KCND2: variants seen among roughly 807,000 people sequenced by gnomAD.
KCND2 encodes the protein A-type voltage-gated potassium channel KCND2.
KCND2 carries 16 observed loss-of-function variants against 54.4 expected under a neutral mutation model. The ratio of observed to expected loss-of-function variants is 0.29; its 90% confidence interval spans 0.20 to 0.45. KCND2 has a LOEUF of 0.45. Among genes scored for constraint, KCND2 ranks in the 20% least tolerant of loss-of-function variants. KCND2 has a pLI of 1.00. For synonymous variants in KCND2, 317 were observed against 310.7 expected, an observed-to-expected ratio of 1.02 and a Z score of -0.21; for missense variants, 486 against 824.2, an observed-to-expected ratio of 0.59 and a Z score of 5.02.
At chr7:120,598,060 C>A (rs1792767625) in intron 1 of KCND2, among the ~76,000 whole-genome samples, 1 of 150,438 alleles carries the variant, frequency 6.6e-6, no homozygotes, top group Admixed American at 6.6e-5. Flanking sequence ...CAGAGAGACA[C>A]CATTAACCCA....
chr7:120,307,358 T>C (rs1218320748), intron 1 of KCND2, among the ~76,000 whole-genome samples: 1 of 152,086 alleles, frequency 6.6e-6, no homozygotes, highest in African/African-American at 2.4e-5. Flanking sequence ...GATGCTGTTT[T>C]ACAAGGTGGT....
chr7:120,643,211 A>C (rs530828711), intron 1 of KCND2, among the ~76,000 whole-genome samples: 3 of 152,322 alleles, frequency 2.0e-5, no homozygotes, highest in East Asian at 3.9e-4. Context: ...GGAACTAAGA[A>C]TATTAACCAT....
chr7:120,685,525 T>G (rs559551628), intron 1 of KCND2, among the ~76,000 whole-genome samples: 3 of 152,212 alleles, frequency 2.0e-5, no homozygotes, highest in African/African-American at 7.2e-5. Context: ...AGATAAACGA[T>G]TTCACAGCTG....
chr7:120,512,234 A>T (rs1189325497), intron 1 of KCND2, among the ~76,000 whole-genome samples: 2 of 152,112 alleles, frequency 1.3e-5, no homozygotes, highest in Non-Finnish European at 2.9e-5. Flanking sequence ...ATTGGTAATT[A>T]TATTAATGAA....
At chr7:120,419,022 A>T (rs946047244) in intron 1 of KCND2, among the ~76,000 whole-genome samples, 2 of 152,148 alleles carry the variant, frequency 1.3e-5, no homozygotes, top group African/African-American at 4.8e-5. Flanking sequence ...TCCTCTGTTG[A>T]TGAAATAATA....
Position 120,301,116 on chromosome 7 carries a change from A to G in KCND2, c.1115+25369A>G, listed in dbSNP as rs1799580421. Among the ~76,000 whole-genome samples, 3 of 151,752 alleles carry G rather than the reference A, an allele frequency of 2.0e-5. No homozygotes were observed. The South Asian group carries it at 6.2e-4, about 31-fold the overall frequency. Reference sequence around the variant, plus strand: ...ATACAACAATAAAACAATAACAAATAACAAATAATAACTAAAATGTCTATA... The same window carrying G: ...ATACAACAATAAAACAATAACAAATGACAAATAATAACTAAAATGTCTATA... On this transcript the variant is annotated intron_variant, in intron 1 of 5. Coordinates refer to ENST00000331113, the MANE Select transcript of KCND2 (RefSeq NM_012281.3).
chr7:120,616,542 C>T (rs1301181671), intron 1 of KCND2, among the ~76,000 whole-genome samples: 1 of 152,092 alleles, frequency 6.6e-6, no homozygotes. Context: ...TATTAAGAAC[C>T]ACTCACGAAG....
At chr7:120,384,189 C>A (rs985073753) in intron 1 of KCND2, among the ~76,000 whole-genome samples, 2 of 151,660 alleles carry the variant, frequency 1.3e-5, no homozygotes, top group Non-Finnish European at 2.9e-5. Flanking sequence ...ATTGCTATAG[C>A]GATATTTTCA....
intron 1 of KCND2, among the ~76,000 whole-genome samples, chr7:120,563,826 A>C (rs922531342): frequency 6.6e-6 from 1 of 152,098 alleles, no homozygotes; most frequent in African/African-American, 2.4e-5. Context: ...GCCCAGATAG[A>C]TATCTTCTAT....
chr7:120,640,445 A>T (rs1199490042), intron 1 of KCND2, among the ~76,000 whole-genome samples: 1 of 152,184 alleles, frequency 6.6e-6, no homozygotes, highest in Non-Finnish European at 1.5e-5. Flanking sequence ...GTTTATCAAC[A>T]TTATGGAGTA....
intron 1 of KCND2, among the ~76,000 whole-genome samples, chr7:120,343,587 A>G (rs1288990408): frequency 6.6e-6 from 1 of 152,196 alleles, no homozygotes; most frequent in African/African-American, 2.4e-5. Flanking sequence ...GCAGATAGCA[A>G]AGGTAAGTGG....
chr7:120,622,689 A>ACTCTCT (rs751909741), intron 1 of KCND2, among the ~76,000 whole-genome samples: 28 of 126,004 alleles, frequency 2.2e-4, no homozygotes, highest in Admixed American at 5.3e-4. Context: ...ACACACACAC[A>ACTCTCT]CTCTCTCTCT....
chr7:120,392,090 TATAAGATGTAAGGA>T (rs1801088541), intron 1 of KCND2, among the ~76,000 whole-genome samples: 1 of 152,146 alleles, frequency 6.6e-6, no homozygotes, highest in Admixed American at 6.6e-5. Context: ...TTAATTTTTG[TATAAGATGTAAGGA>T]AGGGGTCCAG....
At chr7:120,483,752 T>G (rs1348665539) in intron 1 of KCND2, among the ~76,000 whole-genome samples, 1 of 152,168 alleles carries the variant, frequency 6.6e-6, no homozygotes, top group African/African-American at 2.4e-5. Flanking sequence ...CTGCTAAGCT[T>G]AAAGAAAGCA....
At chr7:120,534,448 C>T (rs541798279) in intron 1 of KCND2, among the ~76,000 whole-genome samples, 51 of 152,052 alleles carry the variant, frequency 3.4e-4, no homozygotes, top group Non-Finnish European at 5.1e-4. Context: ...TTCCTCAAGG[C>T]TCTCAAGGCC....
At position 120,398,044 on chromosome 7, in the gene KCND2, C is replaced by T. The variant is rs907566729; in HGVS notation, c.1115+122297C>T. Among the ~76,000 whole-genome samples, 129 of 118,710 alleles carry T rather than the reference C, an allele frequency of 1.1e-3. 1 individual carries two copies. The highest frequency in any genetic ancestry group is 4.9e-3 in the Middle Eastern group (1 of 206). 77.9% of individuals were successfully genotyped at this position (118,710 alleles called of 152,430 possible). The stretch of plus-strand genomic sequence containing the variant: ...ATATATATATATATATATATTTGCT[C>T]TTTTTCCAGCCAAATATGTTTTAGT... On this transcript the variant is annotated intron_variant, in intron 1 of 5. Transcript: ENST00000331113.
intron 1 of KCND2, among the ~76,000 whole-genome samples, chr7:120,356,876 A>G (rs1243363482): frequency 6.6e-6 from 1 of 152,000 alleles, no homozygotes. Context: ...CTCTTGTCTT[A>G]TTATTTCCAG....
At chr7:120,276,686 T>G (rs1055083360) in intron 1 of KCND2, among the ~76,000 whole-genome samples, 1 of 152,150 alleles carries the variant, frequency 6.6e-6, no homozygotes, top group Admixed American at 6.5e-5. Context: ...TGCTGTTGTT[T>G]TTAATATACT....
intron 1 of KCND2, among the ~76,000 whole-genome samples, chr7:120,536,736 G>A (rs966970659): frequency 6.6e-6 from 1 of 152,004 alleles, no homozygotes; most frequent in Admixed American, 6.6e-5. Context: ...CATATCATTA[G>A]GCTCCACTTC....
Sources: allele counts gnomAD v4.1 joint callset (sites outside exome capture counted in the v4.1 genomes callset), GRCh38; gene constraint gnomAD v4.1.1; transcripts MANE v1.5; gene names NCBI Gene and HGNC (gene_info 2026-07-23, HGNC 2026-07-21).